Variants in ETFA observed in about 807,000 individuals in gnomAD.
ETFA encodes the protein electron transfer flavoprotein subunit alpha, also known as electron transfer flavoprotein subunit alpha, mitochondrial.
Under a neutral mutation model 46.2 loss-of-function variants are expected in ETFA, and 22 were observed. That is an observed-to-expected ratio of 0.48 (90% CI 0.34 to 0.68). ETFA has a LOEUF of 0.68. Among genes scored for constraint, ETFA ranks in the 30% least tolerant of loss-of-function variants. ETFA has a pLI of 0.01. For synonymous variants in ETFA, 131 were observed against 139.9 expected (o/e 0.94, Z 0.45); for missense variants, 345 against 401.1 (o/e 0.86, Z 1.19).
At chr15:76,245,172 G>A (rs779492342) in intron 9 of ETFA, 12 of 152,078 alleles carry the variant, frequency 7.9e-5, no homozygotes, top group Non-Finnish European at 1.2e-4. Flanking sequence ...GATAATCCAG[G>A]CCATGTAATT....
intron 4 of ETFA, among the ~76,000 whole-genome samples, chr15:76,290,182 C>G (rs1302592125): frequency 2.6e-5 from 4 of 152,042 alleles, no homozygotes; most frequent in African/African-American, 9.7e-5. Context: ...AAATTCCAGC[C>G]CATGTTTACA....
intron 11 of ETFA, among the ~76,000 whole-genome samples, chr15:76,220,302 G>A (rs1033917117): frequency 2.6e-5 from 4 of 152,300 alleles, no homozygotes; most frequent in Admixed American, 2.0e-4. Flanking sequence ...TCGTGACATC[G>A]AGTGATCCAC....
At chr15:76,253,154 T>C (rs2141484568) in intron 9 of ETFA, among the ~76,000 whole-genome samples, 1 of 152,296 alleles carries the variant, frequency 6.6e-6, no homozygotes, top group South Asian at 2.1e-4. Context: ...GAAGAAGTCT[T>C]TGTTACAATA....
chr15:76,233,320 A>G (rs940578230), intron 9 of ETFA, among the ~76,000 whole-genome samples: 5 of 141,768 alleles, frequency 3.5e-5, no homozygotes, highest in African/African-American at 1.3e-4. Flanking sequence ...AAGTAATTCA[A>G]TAGGCTTTTT....
intron 11 of ETFA, among the ~76,000 whole-genome samples, chr15:76,220,559 A>T (rs2038947322): frequency 6.6e-6 from 1 of 152,388 alleles, no homozygotes; most frequent in Admixed American, 6.5e-5. Flanking sequence ...ACACAATGGG[A>T]GAAACTATTT....
intron 9 of ETFA, among the ~76,000 whole-genome samples, chr15:76,258,024 TGGGGGGAG>T (rs1474032574): frequency 2.8e-3 from 68 of 24,408 alleles, no homozygotes; most frequent in African/African-American, 0.012. Context: ...CGTTGTGGGG[TGGGGGGAG>T]GGGGGGAGGG....
intron 9 of ETFA, among the ~76,000 whole-genome samples, chr15:76,255,339 G>A (rs927074847): frequency 6.6e-6 from 1 of 152,202 alleles, no homozygotes; most frequent in African/African-American, 2.4e-5. Flanking sequence ...TAAATGACAT[G>A]AGTTTAAGAG....
chr15:76,242,110 C>T (rs1396196250), intron 9 of ETFA, among the ~76,000 whole-genome samples: 2 of 152,162 alleles, frequency 1.3e-5, no homozygotes, highest in Non-Finnish European at 2.9e-5. Flanking sequence ...GCTGGGATTA[C>T]AGGCGTGAGC....
At chr15:76,270,390 A>T (rs1401315285) in intron 9 of ETFA, among the ~76,000 whole-genome samples, 1 of 152,252 alleles carries the variant, frequency 6.6e-6, no homozygotes, top group African/African-American at 2.4e-5. Flanking sequence ...ATACCAGTGT[A>T]CACTTATGGT....
intron 4 of ETFA, among the ~76,000 whole-genome samples, chr15:76,290,727 A>G (rs1254110348): frequency 6.6e-6 from 1 of 152,154 alleles, no homozygotes; most frequent in Non-Finnish European, 1.5e-5. Context: ...ATAGCTGTAC[A>G]TGTACTGTAA....
chr15:76,285,149 T>C lies in ETFA; in HGVS notation c.664+488A>G, dbSNP rs183295956. On this transcript the variant is annotated intron_variant, in intron 7 of 11. Transcript: ENST00000557943. The stretch of plus-strand genomic sequence containing the variant: ...GTTTTTAAAGACAAGGAGCATGATG[T>C]ATAAAAATAAGCATGTCTTATGCAA... Among the ~76,000 whole-genome samples, 302 of 152,268 alleles carry C rather than the reference T, an allele frequency of 2.0e-3. 1 individual carries two copies. Among genetic ancestry groups the C allele is most frequent in the Non-Finnish European group, 3.9e-3 (267 of 68,012 alleles).
chr15:76,295,458 T>C lies in ETFA; in HGVS notation c.186+133A>G. ...TTCCTTTTTCACACATGGTAATGGT[T>C]GTGACACTGACCATTTAATGAGGAT... On this transcript the variant is annotated intron_variant, in intron 2 of 11. Transcript: ENST00000557943. 29 of 792,520 alleles carry C rather than the reference T, an allele frequency of 3.7e-5. 1 individual carries two copies. The South Asian group carries it at 4.0e-4, about 11-fold the overall frequency. The allele number at this position is 792,520 out of a possible 1,614,324, so 49.1% of individuals were successfully genotyped here. A position where few individuals can be genotyped will look rare whatever the true frequency, so the allele number is the denominator to read the frequency against.
intron 1 of ETFA, among the ~76,000 whole-genome samples, chr15:76,311,067 C>T (rs1036000640): frequency 6.6e-6 from 1 of 152,190 alleles, no homozygotes; most frequent in African/African-American, 2.4e-5. Context: ...AGGTGGGAAA[C>T]GGCAGGGCAG....
At chr15:76,308,513 A>G (rs73453374) in intron 1 of ETFA, among the ~76,000 whole-genome samples, 15,099 of 152,204 alleles carry the variant, frequency 0.099, 927 homozygotes, top group Non-Finnish European at 0.13. Flanking sequence ...CATGACCTGA[A>G]TCTAATCATG....
chr15:76,243,276 AAAAAG>A (rs1395149779), intron 9 of ETFA, among the ~76,000 whole-genome samples: 1 of 152,068 alleles, frequency 6.6e-6, no homozygotes, highest in Non-Finnish European at 1.5e-5. Context: ...ATCTCAAAAA[AAAAAG>A]AAAAGAAAAA....
chr15:76,241,826 G>C (rs1440612443), intron 9 of ETFA, among the ~76,000 whole-genome samples: 1 of 97,826 alleles, frequency 1.0e-5, no homozygotes, highest in East Asian at 3.1e-4. Flanking sequence ...AAAAAAAAAA[G>C]TTTATTTGAC....
intron 9 of ETFA, chr15:76,261,078 C>T (rs942335556): frequency 6.5e-7 from 1 of 1,530,594 alleles, no homozygotes; most frequent in Non-Finnish European, 9.0e-7. Flanking sequence ...AGAGGCCAGG[C>T]ATTTTAGGCT....
rs970896766 is a variant in ETFA, at chr15:76,255,911, GT to G, written c.816+18500del. The stretch of plus-strand genomic sequence containing the variant: ...GGCCACATACTCACAGTTTTTTGTT[GT>G]TTTTTTTTTTTAAAGCCACTTTCAC... On this transcript the variant is annotated intron_variant, in intron 9 of 11. Transcript: ENST00000557943. Among the ~76,000 whole-genome samples, 400 of 144,502 alleles carry G rather than the reference GT, an allele frequency of 2.8e-3. 1 individual carries two copies. The highest frequency in any genetic ancestry group is 2.1e-3 in the Non-Finnish European group (136 of 65,558). The allele number at this position is 144,502 out of a possible 152,430, so 94.8% of individuals were successfully genotyped here.
intron 11 of ETFA, among the ~76,000 whole-genome samples, chr15:76,221,680 A>G (rs961323974): frequency 6.6e-6 from 1 of 152,186 alleles, no homozygotes; most frequent in Admixed American, 6.5e-5. Flanking sequence ...ACAACCTTTA[A>G]AGAGGTAGTG....
Sources: gnomAD v4.1 joint callset for allele counts (sites outside exome capture counted in the v4.1 genomes callset) on GRCh38, gnomAD v4.1.1 for gene constraint, MANE v1.5 for transcripts, NCBI Gene and HGNC (gene_info 2026-07-23, HGNC 2026-07-21) for gene names.